UBAC2: variants seen among roughly 807,000 people sequenced by gnomAD.
The protein encoded by UBAC2 is UBA domain containing 2, also known as ubiquitin-associated domain-containing protein 2.
A neutral mutation model predicts 44.0 loss-of-function variants in UBAC2; 26 were observed. That is an observed-to-expected ratio of 0.59 (90% CI 0.43 to 0.82). The LOEUF is 0.82. Among genes scored for constraint, UBAC2 ranks in the 40% least tolerant of loss-of-function variants. UBAC2 has a pLI of 0.00. For synonymous variants in UBAC2, 155 were observed against 154.3 expected (o/e 1.00, Z -0.04); for missense variants, 329 against 419.4 (o/e 0.78, Z 1.88).
At chr13:99,205,985 T>C (rs2042867343) in intron 1 of UBAC2, 1 of 153,280 alleles carries the variant, frequency 6.5e-6, no homozygotes, top group Admixed American at 6.5e-5. Context: ...TGGTAGGTTG[T>C]GTCAATAAAG....
intron 1 of UBAC2, among the ~76,000 whole-genome samples, chr13:99,210,707 C>G (rs982388971): frequency 1.3e-5 from 2 of 152,094 alleles, no homozygotes; most frequent in East Asian, 3.9e-4. Flanking sequence ...AAACTCCCGA[C>G]CTCTGGTGAT....
intron 7 of UBAC2, among the ~76,000 whole-genome samples, chr13:99,347,886 G>C (rs942173612): frequency 1.3e-5 from 2 of 151,872 alleles, no homozygotes; most frequent in Non-Finnish European, 2.9e-5. Flanking sequence ...CAGAGTATTA[G>C]CTGCAGCCTG....
At chr13:99,343,291 T>G (rs528688032) in intron 7 of UBAC2, among the ~76,000 whole-genome samples, 1 of 152,248 alleles carries the variant, frequency 6.6e-6, no homozygotes, top group African/African-American at 2.4e-5. Context: ...CTTGGCTGTT[T>G]GCGCACGCCC....
At chr13:99,380,620 ACCTAT>A (rs2045538683) in intron 8 of UBAC2, among the ~76,000 whole-genome samples, 1 of 152,088 alleles carries the variant, frequency 6.6e-6, no homozygotes, top group Admixed American at 6.6e-5. Context: ...CCATCGGAAC[ACCTAT>A]CCCCTGACCC....
chr13:99,204,895 C>A (rs1213813556), intron 1 of UBAC2, among the ~76,000 whole-genome samples: 1 of 126,174 alleles, frequency 7.9e-6, no homozygotes, highest in Non-Finnish European at 1.6e-5. Context: ...GGGGGAGTTT[C>A]GTTTCCTTTT....
At chr13:99,268,518 G>C (rs1161001271) in intron 4 of UBAC2, among the ~76,000 whole-genome samples, 1 of 148,346 alleles carries the variant, frequency 6.7e-6, no homozygotes, top group African/African-American at 2.5e-5. Flanking sequence ...TGAGGTGGGA[G>C]GATCACCTGA....
intron 6 of UBAC2, among the ~76,000 whole-genome samples, chr13:99,338,417 G>A (rs150487001): frequency 4.6e-5 from 7 of 152,136 alleles, no homozygotes; most frequent in African/African-American, 1.7e-4. Context: ...GCTGTCCTGG[G>A]CCACATGTGG....
chr13:99,300,901 G>A (rs945514319), intron 4 of UBAC2, among the ~76,000 whole-genome samples: 2 of 152,166 alleles, frequency 1.3e-5, no homozygotes, highest in South Asian at 2.1e-4. Flanking sequence ...TTATTTTCAG[G>A]TAGAAAATTT....
chr13:99,345,780 T>G (rs2044969328), intron 7 of UBAC2, among the ~76,000 whole-genome samples: 1 of 150,252 alleles, frequency 6.7e-6, no homozygotes, highest in Non-Finnish European at 1.5e-5. Context: ...TCTTGCTCTG[T>G]TGCCCAGGCT....
chr13:99,345,974 C>T (rs939344985), intron 7 of UBAC2, among the ~76,000 whole-genome samples: 1 of 152,156 alleles, frequency 6.6e-6, no homozygotes, highest in Non-Finnish European at 1.5e-5. Flanking sequence ...AACCCCTGAC[C>T]TCATGATCCA....
At chr13:99,303,853 T>C (rs2138738585) in intron 4 of UBAC2, among the ~76,000 whole-genome samples, 1 of 152,324 alleles carries the variant, frequency 6.6e-6, no homozygotes, top group South Asian at 2.1e-4. Context: ...TCAGGGATCT[T>C]ACTGTGGTAC....
intron 8 of UBAC2, among the ~76,000 whole-genome samples, chr13:99,369,441 G>T (rs115823816): frequency 3.9e-5 from 6 of 152,256 alleles, no homozygotes; most frequent in South Asian, 2.1e-4. Context: ...CTTGCAGCAC[G>T]ATACTCAATA....
chr13:99,270,118 A>AT lies in UBAC2; in HGVS notation c.389+25499dup, dbSNP rs774489073. Among the ~76,000 whole-genome samples the AT allele has an allele frequency of 4.6e-5, 7 of 152,312 alleles. 1 individual carries two copies. Among genetic ancestry groups the AT allele is most frequent in the Admixed American group, 6.5e-5 (1 of 15,294 alleles). Reference sequence around the variant, plus strand: ...CTCCTATGATGTAAACCTAAGAATGATTTTTAGTTCTGATTATTCATGGGC... The same window carrying AT: ...CTCCTATGATGTAAACCTAAGAATGATTTTTTAGTTCTGATTATTCATGGGC... On this transcript the variant is annotated intron_variant, in intron 4 of 8. Transcript: ENST00000403766.
At chr13:99,223,903 T>C (rs1774895902) in intron 1 of UBAC2, among the ~76,000 whole-genome samples, 1 of 151,086 alleles carries the variant, frequency 6.6e-6, no homozygotes, top group African/African-American at 2.4e-5. Flanking sequence ...ATGCCCAGAA[T>C]ATAGTCTATT....
At chr13:99,296,364 A>G (rs1303294600) in intron 4 of UBAC2, among the ~76,000 whole-genome samples, 2 of 152,234 alleles carry the variant, frequency 1.3e-5, no homozygotes, top group Non-Finnish European at 2.9e-5. Context: ...CAGGAAGAAC[A>G]GAATAAAATT....
At chr13:99,246,361 T>C (rs989337038) in intron 4 of UBAC2, among the ~76,000 whole-genome samples, 2 of 152,380 alleles carry the variant, frequency 1.3e-5, no homozygotes, top group Non-Finnish European at 1.5e-5. Flanking sequence ...TATTCTGTTA[T>C]TGGGGAAAAT....
At chr13:99,243,805 A>C (rs779640592) in intron 2 of UBAC2, 27 bp from the exon 3 acceptor site, 8 of 1,545,082 alleles carry the variant, frequency 5.2e-6, no homozygotes, top group Admixed American at 2.1e-5. Flanking sequence ...ACTCTTGTTT[A>C]TTGTTCTTTT....
chr13:99,205,039 G>T (rs1457286083), intron 1 of UBAC2, among the ~76,000 whole-genome samples: 7 of 151,764 alleles, frequency 4.6e-5, no homozygotes, highest in Admixed American at 4.6e-4. Context: ...GAGTAGCAGG[G>T]ACTATAGGTG....
chr13:99,257,659 G>C (rs1221135967), intron 4 of UBAC2, among the ~76,000 whole-genome samples: 2 of 152,236 alleles, frequency 1.3e-5, no homozygotes, highest in Admixed American at 1.3e-4. Flanking sequence ...TTTAAAGTCA[G>C]CTTTTTAAAA....
Sources: gnomAD v4.1 joint callset for allele counts (sites outside exome capture counted in the v4.1 genomes callset) on GRCh38, gnomAD v4.1.1 for gene constraint, MANE v1.5 for transcripts, NCBI Gene and HGNC (gene_info 2026-07-23, HGNC 2026-07-21) for gene names.